The following FBXL7 variants were observed in gnomAD, a reference collection of about 807,000 sequenced individuals.
The protein encoded by FBXL7 is F-box/LRR-repeat protein 7.
Under a neutral mutation model 38.3 loss-of-function variants are expected in FBXL7, and 12 were observed. That is an observed-to-expected ratio of 0.31 (90% CI 0.20 to 0.51). The LOEUF is 0.51. Ranked by LOEUF, FBXL7 falls within the 20% of genes least tolerant of loss-of-function variation. FBXL7 has a pLI of 0.98. For synonymous variants in FBXL7, 297 were observed against 300.9 expected, an observed-to-expected ratio of 0.99 and a Z score of 0.13; for missense variants, 567 against 676.4, an observed-to-expected ratio of 0.84 and a Z score of 1.79.
chr5:15,695,087 A>T (rs17602228), intron 2 of FBXL7, among the ~76,000 whole-genome samples: 16,608 of 152,266 alleles, frequency 0.11, 1,116 homozygotes, highest in South Asian at 0.17. Flanking sequence ...AAAGATCAGG[A>T]TTAGGAGAAT....
chr5:15,774,900 C>T (rs1736820858), intron 2 of FBXL7, among the ~76,000 whole-genome samples: 1 of 152,062 alleles, frequency 6.6e-6, no homozygotes, highest in Admixed American at 6.6e-5. Flanking sequence ...TGTTCAGTTT[C>T]TCTGTCTTGT....
At chr5:15,642,511 G>A (rs1741401005) in intron 2 of FBXL7, among the ~76,000 whole-genome samples, 1 of 152,202 alleles carries the variant, frequency 6.6e-6, no homozygotes, top group African/African-American at 2.4e-5. Context: ...TATTTGAAAA[G>A]TAAAAATTTA....
intron 2 of FBXL7, among the ~76,000 whole-genome samples, chr5:15,790,165 A>G (rs1468937311): frequency 4.6e-5 from 7 of 152,164 alleles, no homozygotes; most frequent in Non-Finnish European, 7.3e-5. Context: ...GTTACAGTCA[A>G]TCTATCCTTG....
chr5:15,578,310 T>C (rs1213297983), intron 1 of FBXL7, among the ~76,000 whole-genome samples: 1 of 151,976 alleles, frequency 6.6e-6, no homozygotes, highest in Non-Finnish European at 1.5e-5. Context: ...GACATAGCAA[T>C]GTATTGAAAA....
chr5:15,769,636 A>C (rs936654200), intron 2 of FBXL7, among the ~76,000 whole-genome samples: 1 of 152,226 alleles, frequency 6.6e-6, no homozygotes, highest in African/African-American at 2.4e-5. Context: ...TCAAAATAAG[A>C]AAAATGTTTC....
intron 2 of FBXL7, among the ~76,000 whole-genome samples, chr5:15,624,841 A>G (rs1403447170): frequency 6.6e-6 from 1 of 151,222 alleles, no homozygotes; most frequent in Non-Finnish European, 1.5e-5. Context: ...GTAAAATTAA[A>G]TGAGTGTTGG....
intron 2 of FBXL7, among the ~76,000 whole-genome samples, chr5:15,814,615 A>T (rs1737961744): frequency 6.6e-6 from 1 of 152,170 alleles, no homozygotes; most frequent in Admixed American, 6.6e-5. Flanking sequence ...ATGGAAATAA[A>T]AACAATTTTT....
intron 2 of FBXL7, among the ~76,000 whole-genome samples, chr5:15,707,997 C>G (rs540654264): frequency 6.6e-6 from 1 of 152,294 alleles, no homozygotes; most frequent in South Asian, 2.1e-4. Context: ...TCTCTTTCCT[C>G]CTCAATGCTT....
chr5:15,562,827 G>A (rs1347521169), intron 1 of FBXL7, among the ~76,000 whole-genome samples: 1 of 152,116 alleles, frequency 6.6e-6, no homozygotes, highest in Non-Finnish European at 1.5e-5. Flanking sequence ...ATAAAACAAG[G>A]TGAAAATCCC....
intron 1 of FBXL7, among the ~76,000 whole-genome samples, chr5:15,526,671 G>A (rs1737259914): frequency 6.6e-6 from 1 of 152,096 alleles, no homozygotes; most frequent in Admixed American, 6.5e-5. Flanking sequence ...AAATAGAAGA[G>A]GAAAGTGCCT....
rs372575704 is a variant in FBXL7 at position 15,852,445 on chromosome 5, G to A, written c.128-75445G>A. 8.1e-4 allele frequency among the ~76,000 whole-genome samples: 123 copies of A among 152,280 alleles called. 1 individual carries two copies. In the South Asian group the frequency reaches 0.017, roughly 21 times the overall value. The stretch of plus-strand genomic sequence containing the variant: ...TCATATTTGGCCCCAAACTACCCTG[G>A]TGAGTGAGGAGAAAGGGAATCATTT... On this transcript the variant is annotated intron_variant, in intron 2 of 3. Coordinates refer to ENST00000504595, the MANE Select transcript of FBXL7 (RefSeq NM_012304.5).
At chr5:15,632,793 C>T (rs907397409) in intron 2 of FBXL7, among the ~76,000 whole-genome samples, 4 of 152,128 alleles carry the variant, frequency 2.6e-5, no homozygotes, top group Non-Finnish European at 5.9e-5. Flanking sequence ...TGTGTGTTAT[C>T]ATTAGTGGGA....
rs545590580 is a variant in FBXL7, at chr5:15,789,635, A to G, written c.128-138255A>G. Among the ~76,000 whole-genome samples the G allele has an allele frequency of 5.3e-5, 8 of 152,202 alleles. No individual in the cohort carries two copies. The South Asian group carries it at 1.4e-3, about 28-fold the overall frequency. The stretch of plus-strand genomic sequence containing the variant: ...GCTTTGCACCCTCCTGTAGGCTTGC[A>G]CTTTCCCCATCCTGCAAGGCTCTCC... On this transcript the variant is annotated intron_variant, in intron 2 of 3. Coordinates refer to ENST00000504595, the MANE Select transcript of FBXL7 (RefSeq NM_012304.5).
At position 15,737,264 on chromosome 5, in the gene FBXL7, C is replaced by G. The variant is rs111330055; in HGVS notation, c.127+121192C>G. Among the ~76,000 whole-genome samples, 776 of 152,280 alleles carry G rather than the reference C, an allele frequency of 5.1e-3. 3 individuals are homozygous for G. Among genetic ancestry groups the G allele is most frequent in the Non-Finnish European group, 9.0e-3 (613 of 68,028 alleles). On this transcript the variant is annotated intron_variant, in intron 2 of 3. Transcript: ENST00000504595. Reference sequence around the variant, plus strand: ...AGCTAATGGTTTCCATGTGTGCCTCCCCTGTTCCACTAAGTGGTCCTTGAA... The same window carrying G: ...AGCTAATGGTTTCCATGTGTGCCTCGCCTGTTCCACTAAGTGGTCCTTGAA...
Position 15,706,420 on chromosome 5 carries a change from T to C in FBXL7, c.127+90348T>C, listed in dbSNP as rs1242738023. On this transcript the variant is annotated intron_variant, in intron 2 of 3. Transcript: ENST00000504595. ...CAGAAGCTGAGCAACGTCAGTGCTA[T>C]GCTTCCTGCAGAGCCTGCAGAACCA... Among the ~76,000 whole-genome samples the C allele has an allele frequency of 3.3e-5, 5 of 152,370 alleles. No individual in the cohort carries two copies. The East Asian group carries it at 9.6e-4, about 29-fold the overall frequency.
At chr5:15,596,733 A>G (rs1379066384) in intron 1 of FBXL7, among the ~76,000 whole-genome samples, 1 of 152,160 alleles carries the variant, frequency 6.6e-6, no homozygotes, top group East Asian at 1.9e-4. Context: ...TAATGATGAA[A>G]TCAATCATGC....
At chr5:15,749,228 G>C (rs1393035621) in intron 2 of FBXL7, among the ~76,000 whole-genome samples, 4 of 121,100 alleles carry the variant, frequency 3.3e-5, no homozygotes, top group African/African-American at 1.3e-4. Flanking sequence ...CTGGCCAACA[G>C]AGTGAGACTC....
At chr5:15,723,031 G>A (rs1455036559) in intron 2 of FBXL7, among the ~76,000 whole-genome samples, 2 of 151,608 alleles carry the variant, frequency 1.3e-5, no homozygotes, top group Non-Finnish European at 2.9e-5. Context: ...ATACTATAAA[G>A]TAATGATAAG....
At chr5:15,881,631 T>G (rs1361702244) in intron 2 of FBXL7, among the ~76,000 whole-genome samples, 2 of 152,224 alleles carry the variant, frequency 1.3e-5, no homozygotes, top group East Asian at 3.9e-4. Flanking sequence ...TATATTAGTT[T>G]ACATTCCCAC....
Sources: allele counts gnomAD v4.1 joint callset (sites outside exome capture counted in the v4.1 genomes callset), GRCh38; gene constraint gnomAD v4.1.1; transcripts MANE v1.5; gene names NCBI Gene and HGNC (gene_info 2026-07-23, HGNC 2026-07-21).